The following SLC1A3 variants were observed in gnomAD, a reference collection of about 807,000 sequenced individuals.
SLC1A3 encodes the protein excitatory amino acid transporter 1.
SLC1A3 carries 21 observed loss-of-function variants against 48.1 expected under a neutral mutation model. The ratio of observed to expected loss-of-function variants is 0.44; its 90% CI spans 0.31 to 0.63. The LOEUF (loss-of-function observed/expected upper bound fraction) is 0.63. Among genes scored for constraint, SLC1A3 ranks in the 20% least tolerant of loss-of-function variants. SLC1A3 has a pLI of 0.08. For synonymous variants in SLC1A3, 239 were observed against 251.4 expected (o/e 0.95, Z 0.47); for missense variants, 546 against 689.0 (o/e 0.79, Z 2.32).
At chr5:36,679,484 A>C (rs1427278333) in intron 6 of SLC1A3, 143 bp from the exon 7 acceptor site, 2 of 701,124 alleles carry the variant, frequency 2.9e-6, no homozygotes, top group African/African-American at 3.6e-5. Flanking sequence ...AGAAGTCCAC[A>C]GTTTCTGTAA....
At chr5:36,627,583 T>C (rs768862467) in intron 2 of SLC1A3, among the ~76,000 whole-genome samples, 3 of 152,096 alleles carry the variant, frequency 2.0e-5, no homozygotes, top group Non-Finnish European at 4.4e-5. Context: ...ACAACCTAAA[T>C]GTTCAACAAT....
In SLC1A3 at chr5:36,687,429, T is replaced by C. The variant is rs886060548; in HGVS notation, c.*1160T>C. 1 of 152,112 alleles carries C rather than the reference T, an allele frequency of 6.6e-6. No individual in the cohort carries two copies. The highest frequency in any genetic ancestry group is 1.5e-5 in the Non-Finnish European group (1 of 68,018). The allele number at this position is 152,112 out of a possible 1,614,324, so 9.4% of individuals were successfully genotyped here. A position where few individuals can be genotyped will look rare whatever the true frequency, so the allele number is the denominator to read the frequency against. ...GAAGAGGTTCATTTTTCTGGCTTTT[T>C]TTTTCACCTGAAACACTTTTTCTCG... On this transcript the variant is annotated 3_prime_UTR_variant, in exon 10 of 10. Transcript: ENST00000265113.
At chr5:36,680,163 T>C (rs1429029192) in intron 7 of SLC1A3, among the ~76,000 whole-genome samples, 1 of 152,238 alleles carries the variant, frequency 6.6e-6, no homozygotes, top group Non-Finnish European at 1.5e-5. Context: ...GATGAGGGCA[T>C]GATCACAAGT....
At chr5:36,605,888 C>T (rs1247562427), upstream of SLC1A3, among the ~76,000 whole-genome samples, 1 of 152,152 alleles carries the variant, frequency 6.6e-6, no homozygotes, top group African/African-American at 2.4e-5. Context: ...TGAACAGCAA[C>T]CTATCTTTTG....
chr5:36,623,012 C>CT (rs1256885420), intron 2 of SLC1A3, among the ~76,000 whole-genome samples: 1 of 113,458 alleles, frequency 8.8e-6, no homozygotes, highest in African/African-American at 3.5e-5. Flanking sequence ...ACTCCATCAT[C>CT]TCAAAAAAAA....
At chr5:36,610,321 C>T (rs1275408687) in intron 2 of SLC1A3, among the ~76,000 whole-genome samples, 5 of 152,192 alleles carry the variant, frequency 3.3e-5, no homozygotes, top group African/African-American at 1.2e-4. Flanking sequence ...GCATGATTTA[C>T]CCGGTTACCT....
In SLC1A3 at chr5:36,627,696, T is replaced by G. The variant is rs368961024; in HGVS notation, c.182-1754T>G. Among the ~76,000 whole-genome samples, 6 of 152,352 alleles carry G rather than the reference T, an allele frequency of 3.9e-5. No homozygotes were observed. The East Asian group carries it at 9.6e-4, about 24-fold the overall frequency. On this transcript the variant is annotated intron_variant, in intron 2 of 9. Coordinates refer to ENST00000265113, the MANE Select transcript of SLC1A3 (RefSeq NM_004172.5). ...CGTATATGGAAAAGTATATTCTGTATGATTTCCATGTGTTTAACTATGTAT... is the reference window on the plus strand; with the variant it reads ...CGTATATGGAAAAGTATATTCTGTAGGATTTCCATGTGTTTAACTATGTAT...
chr5:36,646,811 T>C (rs1740858112), intron 3 of SLC1A3, among the ~76,000 whole-genome samples: 1 of 152,192 alleles, frequency 6.6e-6, no homozygotes, highest in South Asian at 2.1e-4. Context: ...AAATTCTCTT[T>C]TACAATAGTA....
upstream of SLC1A3, among the ~76,000 whole-genome samples, chr5:36,604,363 C>T (rs538303783): frequency 2.0e-5 from 3 of 151,514 alleles, no homozygotes; most frequent in East Asian, 5.8e-4. Flanking sequence ...TTTTAAAGCT[C>T]AAGGGACTTA....
chr5:36,607,563 G>A (rs1739003836), intron 1 of SLC1A3, among the ~76,000 whole-genome samples: 1 of 152,202 alleles, frequency 6.6e-6, no homozygotes, highest in Admixed American at 6.5e-5. Flanking sequence ...AAAAGTCAGC[G>A]ATAGTTTCCT....
rs1739058518 is a variant in SLC1A3 at position 36,608,543 on chromosome 5, T to G, written c.120T>G (p.Asp40Glu). 4 of 1,613,902 alleles carry G rather than the reference T, an allele frequency of 2.5e-6. No homozygotes were observed. In the Admixed American group the frequency reaches 6.7e-5, roughly 27 times the overall value. Residue 40 changes from aspartate (D) to glutamate (E), a missense_variant, in exon 2 of 10, where the codon GAT (aspartate) becomes GAG (glutamate). By Grantham distance (45) the Asp-to-Glu change is conservative. Around this residue, in one of 3 missense-constraint regions of SLC1A3, gnomAD observed 348 missense variants for 392.0 expected, o/e 0.89. Transcript: ENST00000265113. ...KKKVQNITKEDVKSYLFRNAF... is the reference protein window; with the variant it reads ...KKKVQNITKEEVKSYLFRNAF... ...AAGTGCAGAACATTACAAAGGAGGA[T>G]GTTAAAAGTTACCTGTTTCGGAATG...
At chr5:36,638,601 T>C (rs1206893393) in intron 3 of SLC1A3, among the ~76,000 whole-genome samples, 1 of 152,150 alleles carries the variant, frequency 6.6e-6, no homozygotes, top group Non-Finnish European at 1.5e-5. Context: ...GGACCATGTT[T>C]GATGTATTTT....
intron 2 of SLC1A3, among the ~76,000 whole-genome samples, chr5:36,614,733 C>A (rs1739360499): frequency 6.6e-6 from 1 of 152,166 alleles, no homozygotes; most frequent in African/African-American, 2.4e-5. Flanking sequence ...TCCCTGGTTT[C>A]TTCTTTCCTC....
rs746881197 is a variant in SLC1A3 at position 36,680,503 on chromosome 5, G to T, written c.1203G>T (p.Gly401=). 4 of 1,614,188 alleles carry T rather than the reference G, an allele frequency of 2.5e-6. No individual in the cohort carries two copies. The South Asian group carries it at 3.3e-5, about 13-fold the overall frequency. Residue 401 remains glycine (G), a synonymous_variant, in exon 8 of 10, where the codon GGG becomes GGT. Coordinates refer to ENST00000265113, the MANE Select transcript of SLC1A3 (RefSeq NM_004172.5). ...TAGGAGCCACCATTAACATGGATGGGACTGCCCTCTATGAGGCTTTGGCTG... is the reference window on the plus strand; with the variant it reads ...TAGGAGCCACCATTAACATGGATGGTACTGCCCTCTATGAGGCTTTGGCTG... The part of the protein sequence containing the change: ...LPVGATINMD[G]TALYEALAAI...
intron 1 of SLC1A3, among the ~76,000 whole-genome samples, chr5:36,601,088 G>T (rs1367145587): frequency 6.6e-6 from 1 of 152,162 alleles, no homozygotes; most frequent in African/African-American, 2.4e-5. Flanking sequence ...TATAATAGTC[G>T]TTTCTGTGAT....
rs779494116 is a variant in SLC1A3 at position 36,686,343 on chromosome 5, C to T, written c.*74C>T. 2.6e-6 allele frequency: 3 copies of T among 1,138,480 alleles called. No individual in the cohort carries two copies. The highest frequency in any genetic ancestry group is 1.7e-5 in the Admixed American group (1 of 58,778). 70.5% of individuals were successfully genotyped at this position (1,138,480 alleles called of 1,614,324 possible). ...ATAAAATCTTTCCATCTCATTACAGCTCATTCGCTCCAGCAAGCCCGTCAT... is the reference window on the plus strand; with the variant it reads ...ATAAAATCTTTCCATCTCATTACAGTTCATTCGCTCCAGCAAGCCCGTCAT... On this transcript the variant is annotated 3_prime_UTR_variant, in exon 10 of 10. Transcript: ENST00000265113.
intron 3 of SLC1A3, among the ~76,000 whole-genome samples, chr5:36,657,963 C>T (rs1561269679): frequency 1.3e-5 from 2 of 152,194 alleles, no homozygotes; most frequent in Non-Finnish European, 2.9e-5. Context: ...AGAGTAGCTA[C>T]TAAGAGGGTG....
chr5:36,642,505 T>C (rs1461180558), intron 3 of SLC1A3, among the ~76,000 whole-genome samples: 2 of 152,214 alleles, frequency 1.3e-5, no homozygotes, highest in African/African-American at 2.4e-5. Context: ...TTGGTATTGA[T>C]AGACCTAGGT....
At chr5:36,654,363 C>T (rs114938685) in intron 3 of SLC1A3, among the ~76,000 whole-genome samples, 1 of 152,312 alleles carries the variant, frequency 6.6e-6, no homozygotes, top group African/African-American at 2.4e-5. Context: ...TGAGTCCCTG[C>T]TCATCGATAT....
Sources: gnomAD v4.1 joint callset for allele counts (sites outside exome capture counted in the v4.1 genomes callset) on GRCh38, gnomAD v4.1.1 for gene constraint, gnomAD v4.1.1 regional missense constraint, MANE v1.5 for transcripts, NCBI Gene and HGNC (gene_info 2026-07-23, HGNC 2026-07-21) for gene names.